The following GNA12 variants were observed in gnomAD, a reference collection of about 807,000 sequenced individuals.
GNA12 encodes the protein G protein subunit alpha 12, also known as guanine nucleotide-binding protein subunit alpha-12.
Under a neutral mutation model 26.0 loss-of-function variants are expected in GNA12, and 9 were observed. The ratio of observed to expected loss-of-function variants is 0.35; its 90% CI spans 0.21 to 0.60. GNA12 has a LOEUF of 0.60. Ranked by LOEUF, GNA12 falls within the 20% of genes least tolerant of loss-of-function variation. The pLI, the probability that GNA12 is intolerant of heterozygous loss-of-function variation, is 0.78. For missense variants in GNA12, 405 were observed against 525.8 expected, an observed-to-expected ratio of 0.77 and a Z score of 2.25; for synonymous variants, 264 against 219.6, an observed-to-expected ratio of 1.20 and a Z score of -1.79.
chr7:2,794,722 G>A (rs898671142), intron 2 of GNA12: 2 of 589,784 alleles, frequency 3.4e-6, no homozygotes, highest in African/African-American at 1.9e-5. Context: ...GATCTTACCT[G>A]AGTGGCTCTT....
intron 1 of GNA12, among the ~76,000 whole-genome samples, chr7:2,816,677 C>T (rs1230172420): frequency 2.6e-5 from 4 of 152,124 alleles, no homozygotes; most frequent in Admixed American, 6.5e-5. Context: ...AGGGTTTCCT[C>T]GGTGGGAAGG....
intron 2 of GNA12, among the ~76,000 whole-genome samples, chr7:2,737,293 T>TG (rs1790253885): frequency 2.6e-5 from 3 of 114,886 alleles, no homozygotes; most frequent in African/African-American, 6.8e-5. Context: ...TTTTTTGTTT[T>TG]TTTTTTTTTT....
intron 2 of GNA12, among the ~76,000 whole-genome samples, chr7:2,744,486 C>A (rs1362588095): frequency 6.6e-6 from 1 of 152,174 alleles, no homozygotes; most frequent in Non-Finnish European, 1.5e-5. Context: ...AACTAACAAA[C>A]AGGAAGGACA....
intron 1 of GNA12, among the ~76,000 whole-genome samples, chr7:2,813,315 T>C (rs1470811853): frequency 6.6e-6 from 1 of 152,238 alleles, no homozygotes; most frequent in Non-Finnish European, 1.5e-5. Context: ...TCCACAGTCA[T>C]GTTTTCATTT....
At chr7:2,750,195 A>G (rs1302760020) in intron 2 of GNA12, among the ~76,000 whole-genome samples, 1 of 152,268 alleles carries the variant, frequency 6.6e-6, no homozygotes, top group East Asian at 1.9e-4. Flanking sequence ...TCCTCACAGC[A>G]GCGACACCGG....
chr7:2,831,285 C>T (rs1348275598), intron 1 of GNA12, among the ~76,000 whole-genome samples: 1 of 151,946 alleles, frequency 6.6e-6, no homozygotes, highest in African/African-American at 2.4e-5. Context: ...TCCTGGTCCA[C>T]ATCACTCCAT....
intron 2 of GNA12, among the ~76,000 whole-genome samples, chr7:2,749,005 G>A (rs1180427047): frequency 1.3e-5 from 2 of 152,174 alleles, no homozygotes; most frequent in Non-Finnish European, 2.9e-5. Flanking sequence ...AAAAAGTCAG[G>A]AAACAACAGG....
intron 2 of GNA12, among the ~76,000 whole-genome samples, chr7:2,744,661 TG>T (rs1329369545): frequency 2.0e-5 from 3 of 152,118 alleles, no homozygotes; most frequent in Non-Finnish European, 4.4e-5. Context: ...GGAACAAAGC[TG>T]GATGGACAAT....
In GNA12 at chr7:2,844,205, A is replaced by G. The variant is rs1779099140; in HGVS notation, c.-44T>C. 12 of 936,812 alleles carry G rather than the reference A, an allele frequency of 1.3e-5. No individual in the cohort carries two copies. Among genetic ancestry groups the G allele is most frequent in the Non-Finnish European group, 1.5e-5 (12 of 788,480 alleles). The allele number at this position is 936,812 out of a possible 1,614,324, so 58.0% of individuals were successfully genotyped here. The stretch of plus-strand genomic sequence containing the variant: ...CGCGCCCCGCCGGCGCCCGGGGGCC[A>G]TGGACGCTCCCGCCGGCGAGGGCGA... On this transcript the variant is annotated 5_prime_UTR_variant, in exon 1 of 4. It removes an upstream start codon present in the reference 5' UTR. Transcript: ENST00000275364.
chr7:2,728,364 ACAAT>A lies in GNA12; in HGVS notation c.*2813_*2816del, dbSNP rs1013689881. The A allele has an allele frequency of 1.4e-4, 21 of 152,418 alleles. No individual in the cohort carries two copies. Among genetic ancestry groups the A allele is most frequent in the African/African-American group, 5.1e-4 (21 of 41,574 alleles). 9.4% of individuals were successfully genotyped at this position (152,418 alleles called of 1,614,324 possible). The stretch of plus-strand genomic sequence containing the variant: ...GTTTTTTTTTTCAATCTTGGAGTTA[ACAAT>A]CTGACTTATTTTTCTTTTATCAAAG... On this transcript the variant is annotated 3_prime_UTR_variant, in exon 4 of 4. Transcript: ENST00000275364.
intron 2 of GNA12, among the ~76,000 whole-genome samples, chr7:2,751,037 C>T (rs1791009306): frequency 6.6e-6 from 1 of 152,290 alleles, no homozygotes; most frequent in Non-Finnish European, 1.5e-5. Context: ...AATATCAACA[C>T]TTTTATCTTG....
intron 1 of GNA12, among the ~76,000 whole-genome samples, chr7:2,833,557 T>C (rs987909297): frequency 2.3e-4 from 35 of 152,170 alleles, no homozygotes; most frequent in Non-Finnish European, 4.4e-4. Context: ...CAATCACTCA[T>C]GTGTTCTGAA....
intron 2 of GNA12, among the ~76,000 whole-genome samples, chr7:2,756,887 AAC>A (rs1791324175): frequency 6.6e-6 from 1 of 151,990 alleles, no homozygotes; most frequent in South Asian, 2.1e-4. Context: ...TGGTCTGGGT[AAC>A]ACAGTGAGAC....
At chr7:2,807,882 C>A (rs1562439220) in intron 1 of GNA12, among the ~76,000 whole-genome samples, 1 of 152,208 alleles carries the variant, frequency 6.6e-6, no homozygotes, top group East Asian at 1.9e-4. Context: ...ACACACACGA[C>A]CGAAGAGCAG....
intron 2 of GNA12, among the ~76,000 whole-genome samples, chr7:2,784,812 T>C (rs1792318556): frequency 6.6e-6 from 1 of 152,208 alleles, no homozygotes; most frequent in South Asian, 2.1e-4. Context: ...CCCAAATTTG[T>C]CATTTGACTC....
At chr7:2,833,274 T>G (rs1778736012) in intron 1 of GNA12, among the ~76,000 whole-genome samples, 1 of 152,234 alleles carries the variant, frequency 6.6e-6, no homozygotes, top group Non-Finnish European at 1.5e-5. Context: ...CAACATCAGC[T>G]TCTTTGGTTT....
intron 2 of GNA12, among the ~76,000 whole-genome samples, chr7:2,753,185 T>G (rs1254763937): frequency 6.6e-6 from 1 of 152,036 alleles, no homozygotes; most frequent in East Asian, 1.9e-4. Flanking sequence ...GACAGGGTCT[T>G]ACTGTGTTGC....
intron 2 of GNA12, among the ~76,000 whole-genome samples, chr7:2,740,658 C>T (rs1240822730): frequency 6.6e-6 from 1 of 152,188 alleles, no homozygotes. Context: ...CATGTTAATA[C>T]TGGGCAATGG....
intron 1 of GNA12, among the ~76,000 whole-genome samples, chr7:2,802,914 G>C (rs1173436142): frequency 6.6e-6 from 1 of 152,206 alleles, no homozygotes; most frequent in African/African-American, 2.4e-5. Flanking sequence ...AGCCATCAGA[G>C]CCTCTGCCAT....
Sources: gnomAD v4.1 joint callset for allele counts (sites outside exome capture counted in the v4.1 genomes callset) on GRCh38, gnomAD v4.1.1 for gene constraint, MANE v1.5 for transcripts, NCBI Gene and HGNC (gene_info 2026-07-23, HGNC 2026-07-21) for gene names.